SLC22A3: variants seen among roughly 807,000 people sequenced by gnomAD.
SLC22A3 encodes the protein solute carrier family 22 member 3.
A neutral mutation model predicts 59.1 loss-of-function variants in SLC22A3; 51 were observed. The observed-to-expected ratio is 0.86, with a 90% CI of 0.69 to 1.09. SLC22A3 has a LOEUF of 1.09. Ranked by LOEUF, SLC22A3 falls within the 50% of genes least tolerant of loss-of-function variation. SLC22A3 has a pLI of 0.00. For synonymous variants in SLC22A3, 325 were observed against 292.0 expected (o/e 1.11, Z -1.15); for missense variants, 711 against 726.3 (o/e 0.98, Z 0.24).
intron 5 of SLC22A3, among the ~76,000 whole-genome samples, chr6:160,418,707 A>C (rs1007726522): frequency 2.6e-5 from 4 of 152,114 alleles, no homozygotes; most frequent in Non-Finnish European, 5.9e-5. Context: ...CCTTTATCCT[A>C]AAGATCCCTC....
At chr6:160,377,254 G>A (rs1375087311) in intron 1 of SLC22A3, among the ~76,000 whole-genome samples, 1 of 152,146 alleles carries the variant, frequency 6.6e-6, no homozygotes, top group African/African-American at 2.4e-5. Flanking sequence ...GGAGGCTGAG[G>A]CAGGTGGATC....
intron 5 of SLC22A3, among the ~76,000 whole-genome samples, chr6:160,419,898 G>A (rs76056868): frequency 0.03 from 4,501 of 152,222 alleles, 218 homozygotes; most frequent in African/African-American, 0.1. Flanking sequence ...TTAAAAAATA[G>A]CCTGAGTTCT....
At chr6:160,397,898 C>A in intron 1 of SLC22A3, 81 bp from the exon 2 acceptor site, 2 of 1,075,250 alleles carry the variant, frequency 1.9e-6, no homozygotes, top group African/African-American at 1.5e-5. Context: ...CTTTACAGAT[C>A]ATTGATCTAT....
At chr6:160,372,476 T>G (rs1037909804) in intron 1 of SLC22A3, among the ~76,000 whole-genome samples, 2 of 152,176 alleles carry the variant, frequency 1.3e-5, no homozygotes, top group African/African-American at 4.8e-5. Flanking sequence ...TTATGTATCT[T>G]GGGGTTGCTC....
At chr6:160,397,105 G>C (rs1436914224) in intron 1 of SLC22A3, among the ~76,000 whole-genome samples, 1 of 152,192 alleles carries the variant, frequency 6.6e-6, no homozygotes, top group Non-Finnish European at 1.5e-5. Context: ...CTAGGGACCA[G>C]TTTTGTGGAA....
chr6:160,375,926 C>T (rs1324274605), intron 1 of SLC22A3, among the ~76,000 whole-genome samples: 1 of 152,024 alleles, frequency 6.6e-6, no homozygotes, highest in Non-Finnish European at 1.5e-5. Context: ...TTTAAACCCT[C>T]TAAGTCTTGG....
At chr6:160,389,448 GT>G (rs1786158929) in intron 1 of SLC22A3, among the ~76,000 whole-genome samples, 1 of 152,150 alleles carries the variant, frequency 6.6e-6, no homozygotes, top group Admixed American at 6.5e-5. Flanking sequence ...AACTGACAGG[GT>G]TCTGTTCTTG....
chr6:160,407,009 AG>A lies in SLC22A3; in HGVS notation c.534-30del, dbSNP rs762472522. 3.7e-6 allele frequency: 6 copies of A among 1,612,096 alleles called. No individual in the cohort carries two copies. The African/African-American group carries it at 8.0e-5, about 22-fold the overall frequency. The stretch of plus-strand genomic sequence containing the variant: ...CCCATTGTGTTGAAGAAAATGTTTA[AG>A]GTGAGCTCTTTTCCTGTCTTTCTCA... On this transcript the variant is annotated intron_variant, in intron 2 of 10. Transcript: ENST00000275300.
At chr6:160,402,082 A>G (rs1006581604) in intron 2 of SLC22A3, among the ~76,000 whole-genome samples, 1 of 151,996 alleles carries the variant, frequency 6.6e-6, no homozygotes, top group Non-Finnish European at 1.5e-5. Flanking sequence ...CAACTAAAAG[A>G]CAGAGATTTT....
chr6:160,352,607 A>G (rs1286477210), intron 1 of SLC22A3, among the ~76,000 whole-genome samples: 1 of 152,196 alleles, frequency 6.6e-6, no homozygotes, highest in Non-Finnish European at 1.5e-5. Flanking sequence ...TTTCCTTTCC[A>G]GATCATTTTG....
At chr6:160,369,818 T>TA (rs1785337689) in intron 1 of SLC22A3, among the ~76,000 whole-genome samples, 1 of 152,252 alleles carries the variant, frequency 6.6e-6, no homozygotes, top group South Asian at 2.1e-4. Context: ...CATTTTTTTT[T>TA]ACTCACAGAT....
At chr6:160,384,181 C>A (rs960953639) in intron 1 of SLC22A3, among the ~76,000 whole-genome samples, 1 of 152,162 alleles carries the variant, frequency 6.6e-6, no homozygotes, top group Non-Finnish European at 1.5e-5. Flanking sequence ...CTGCCCACCT[C>A]GGCCTCCCAA....
chr6:160,360,171 C>A (rs993344400), intron 1 of SLC22A3, among the ~76,000 whole-genome samples: 73 of 152,116 alleles, frequency 4.8e-4, no homozygotes, highest in African/African-American at 1.5e-3. Context: ...AAGACACATA[C>A]AAGCGGCCGG....
chr6:160,359,716 A>C (rs1021713911), intron 1 of SLC22A3, among the ~76,000 whole-genome samples: 3 of 152,252 alleles, frequency 2.0e-5, no homozygotes, highest in African/African-American at 7.2e-5. Context: ...TAAAAACAAC[A>C]GAAAATTGGT....
intron 2 of SLC22A3, among the ~76,000 whole-genome samples, chr6:160,403,402 G>T (rs1786870896): frequency 6.6e-6 from 1 of 151,830 alleles, no homozygotes; most frequent in African/African-American, 2.4e-5. Context: ...TGAATCAATA[G>T]TTAATTACTT....
intron 1 of SLC22A3, among the ~76,000 whole-genome samples, chr6:160,367,467 T>A (rs1237295057): frequency 6.6e-6 from 1 of 152,180 alleles, no homozygotes; most frequent in Non-Finnish European, 1.5e-5. Flanking sequence ...CATTTTCCCC[T>A]CCACTGCAAC....
intron 1 of SLC22A3, among the ~76,000 whole-genome samples, chr6:160,379,233 C>T (rs1785708825): frequency 6.6e-6 from 1 of 152,110 alleles, no homozygotes; most frequent in South Asian, 2.1e-4. Context: ...AAAAAATGTA[C>T]TTTTTAATGC....
chr6:160,424,200 G>A (rs1243322622), intron 5 of SLC22A3, among the ~76,000 whole-genome samples: 1 of 152,102 alleles, frequency 6.6e-6, no homozygotes, highest in East Asian at 1.9e-4. Context: ...TGGAGTTATT[G>A]CAAAGATCCA....
In SLC22A3 at chr6:160,447,742, G is replaced by A; in HGVS notation, c.1534G>A (p.Gly512Ser). ...IFGILASICG[G>S]LVMLLPETKG... is the part of the protein sequence containing the mutation. ...AGGTATCCTGGCATCCATCTGTGGT[G>A]GCCTTGTGATGCTTTTGCCTGAAAC... Residue 512 changes from glycine (G) to serine (S), a missense_variant, in exon 10 of 11, where the codon GGC becomes AGC. Transcript: ENST00000275300. 6.2e-7 allele frequency: 1 copy of A among 1,614,028 alleles called. No individual in the cohort carries two copies. The highest frequency in any genetic ancestry group is 8.5e-7 in the Non-Finnish European group (1 of 1,179,972).
Sources: gnomAD v4.1 joint callset for allele counts (sites outside exome capture counted in the v4.1 genomes callset) on GRCh38, gnomAD v4.1.1 for gene constraint, MANE v1.5 for transcripts, NCBI Gene and HGNC (gene_info 2026-07-23, HGNC 2026-07-21) for gene names.